The following SSBP2 variants were observed in gnomAD, a reference collection of about 807,000 sequenced individuals.
The protein encoded by SSBP2 is single-stranded DNA-binding protein 2.
A neutral mutation model predicts 61.8 loss-of-function variants in SSBP2; 17 were observed. The observed-to-expected ratio is 0.28, with a 90% CI of 0.19 to 0.41. The LOEUF is 0.41. Ranked by LOEUF, SSBP2 falls within the 10% of genes least tolerant of loss-of-function variation. The pLI, the probability that SSBP2 is intolerant of heterozygous loss-of-function variation, is 1.00. For missense variants in SSBP2, 310 were observed against 458.7 expected (o/e 0.68, Z 2.96); for synonymous variants, 139 against 141.3 (o/e 0.98, Z 0.12).
At chr5:81,684,367 C>T (rs563557242) in intron 1 of SSBP2, among the ~76,000 whole-genome samples, 2 of 152,238 alleles carry the variant, frequency 1.3e-5, no homozygotes, top group Non-Finnish European at 2.9e-5. Flanking sequence ...CTGCATGGTT[C>T]AAATTACATA....
At chr5:81,634,384 T>C (rs1433510597) in intron 3 of SSBP2, among the ~76,000 whole-genome samples, 1 of 152,166 alleles carries the variant, frequency 6.6e-6, no homozygotes, top group African/African-American at 2.4e-5. Context: ...ATTGAACCAA[T>C]GTATTTCTTA....
chr5:81,601,099 AT>A, intron 4 of SSBP2, among the ~76,000 whole-genome samples: 1 of 152,342 alleles, frequency 6.6e-6, no homozygotes, highest in Non-Finnish European at 1.5e-5. Context: ...TTTTACCAGT[AT>A]ACTAGTTGTT....
upstream of SSBP2, chr5:81,751,390 T>C (rs1667538197): frequency 4.9e-6 from 2 of 410,168 alleles, no homozygotes; most frequent in Non-Finnish European, 9.0e-6. Context: ...AATTAGAAAC[T>C]GCTCTAGAAG....
intron 1 of SSBP2, among the ~76,000 whole-genome samples, chr5:81,663,732 T>C (rs367834087): frequency 2.6e-4 from 39 of 152,316 alleles, no homozygotes; most frequent in Middle Eastern, 6.8e-3. Context: ...GTCTGTCTAT[T>C]ACCTATTAAA....
intron 4 of SSBP2, among the ~76,000 whole-genome samples, chr5:81,593,949 T>C (rs373537412): frequency 1.3e-5 from 2 of 152,062 alleles, no homozygotes; most frequent in Non-Finnish European, 2.9e-5. Context: ...AGCAAAATAA[T>C]CAGCTAACAT....
At chr5:81,706,730 G>A (rs1411862589) in intron 1 of SSBP2, among the ~76,000 whole-genome samples, 1 of 152,156 alleles carries the variant, frequency 6.6e-6, no homozygotes, top group Non-Finnish European at 1.5e-5. Flanking sequence ...GAATCTTACT[G>A]TTCAGGCAAT....
intron 6 of SSBP2, among the ~76,000 whole-genome samples, chr5:81,486,504 T>C (rs1024071720): frequency 6.6e-6 from 1 of 152,186 alleles, no homozygotes; most frequent in East Asian, 1.9e-4. Context: ...ATACTAGAAT[T>C]TCACATTTCC....
chr5:81,688,277 C>T (rs532722354), intron 1 of SSBP2, among the ~76,000 whole-genome samples: 1 of 152,308 alleles, frequency 6.6e-6, no homozygotes, highest in Admixed American at 6.5e-5. Context: ...CAAGTAGATT[C>T]CTAAAGTTTC....
At chr5:81,540,085 T>C (rs1771139105) in intron 4 of SSBP2, among the ~76,000 whole-genome samples, 1 of 152,214 alleles carries the variant, frequency 6.6e-6, no homozygotes, top group African/African-American at 2.4e-5. Context: ...TCCTTTTTTA[T>C]GGCTGCATAG....
At chr5:81,534,964 C>T (rs959183724) in intron 4 of SSBP2, among the ~76,000 whole-genome samples, 7 of 151,750 alleles carry the variant, frequency 4.6e-5, no homozygotes, top group Non-Finnish European at 8.8e-5. Context: ...CCAGAGATAA[C>T]GCACACACAC....
At chr5:81,747,029 G>GT (rs1035200176) in intron 1 of SSBP2, among the ~76,000 whole-genome samples, 1 of 139,684 alleles carries the variant, frequency 7.2e-6, no homozygotes, top group Non-Finnish European at 1.6e-5. Flanking sequence ...TCCTGGGGGG[G>GT]GGGGGAATCT....
chr5:81,633,135 T>TGA (rs1491317835), intron 3 of SSBP2, among the ~76,000 whole-genome samples: 2 of 112,160 alleles, frequency 1.8e-5, no homozygotes, highest in African/African-American at 6.9e-5. Context: ...TTTTTTTTTT[T>TGA]GAGAGAGTCT....
chr5:81,563,043 G>C (rs1288373372), intron 4 of SSBP2, among the ~76,000 whole-genome samples: 1 of 152,048 alleles, frequency 6.6e-6, no homozygotes, highest in African/African-American at 2.4e-5. Context: ...TCAAACACTG[G>C]AAATAGAAAA....
At chr5:81,473,657 G>A (rs1765399234) in intron 8 of SSBP2, 43 bp downstream of exon 8, 1 of 1,556,190 alleles carries the variant, frequency 6.4e-7, no homozygotes, top group African/African-American at 1.4e-5. Context: ...CATTTGGGTT[G>A]GTTCCATATC....
chr5:81,587,782 C>T (rs1259985040), intron 4 of SSBP2, among the ~76,000 whole-genome samples: 1 of 151,588 alleles, frequency 6.6e-6, no homozygotes, highest in Admixed American at 6.6e-5. Flanking sequence ...CACACACACA[C>T]ACTAATGCTT....
chr5:81,612,792 C>T (rs899594081), intron 4 of SSBP2, among the ~76,000 whole-genome samples: 2 of 151,906 alleles, frequency 1.3e-5, no homozygotes, highest in African/African-American at 4.8e-5. Context: ...AGTAGGTAAA[C>T]ATATTAATTA....
chr5:81,576,567 C>G (rs1408426318), intron 4 of SSBP2, among the ~76,000 whole-genome samples: 1 of 151,954 alleles, frequency 6.6e-6, no homozygotes, highest in Non-Finnish European at 1.5e-5. Flanking sequence ...CTTACTTAAC[C>G]AACTAAAAGC....
rs376107348 is a variant in SSBP2, at chr5:81,663,398, T to TTAAAGTAGATA, written c.63-13070_63-13060dup. Among the ~76,000 whole-genome samples the TTAAAGTAGATA allele has an allele frequency of 1.8e-3, 272 of 152,314 alleles. 1 individual carries two copies. The highest frequency in any genetic ancestry group is 6.4e-3 in the African/African-American group (266 of 41,588). ...TTTTTAATCCCAATTTATAGAACAA[T>TTAAAGTAGATA]TAAAGTAGATATGACTTTGTATCAC... On this transcript the variant is annotated intron_variant, in intron 1 of 16. Transcript: ENST00000320672.
At chr5:81,425,091 T>C (rs1761870150) in intron 16 of SSBP2, among the ~76,000 whole-genome samples, 1 of 152,236 alleles carries the variant, frequency 6.6e-6, no homozygotes, top group Admixed American at 6.5e-5. Flanking sequence ...ACTTATTTTA[T>C]CTTTTAATGT....
Sources: allele counts gnomAD v4.1 joint callset (sites outside exome capture counted in the v4.1 genomes callset), GRCh38; gene constraint gnomAD v4.1.1; transcripts MANE v1.5; gene names NCBI Gene and HGNC (gene_info 2026-07-23, HGNC 2026-07-21).